ITGA9: variants seen among roughly 807,000 people sequenced by gnomAD.
ITGA9 encodes the protein integrin subunit alpha 9.
Under a neutral mutation model 127.8 loss-of-function variants are expected in ITGA9, and 56 were observed. That is an observed-to-expected ratio of 0.44 (90% CI 0.35 to 0.55). The LOEUF is 0.55. ITGA9 is among the 20% of genes least tolerant of loss of function. ITGA9 has a pLI of 0.00. For synonymous variants in ITGA9, 508 were observed against 514.5 expected (o/e 0.99, Z 0.17); for missense variants, 1,196 against 1,347.1 (o/e 0.89, Z 1.76).
At chr3:37,517,402 C>A (rs1435855469) in intron 9 of ITGA9, 102 bp from the exon 10 acceptor site, 2 of 894,290 alleles carry the variant, frequency 2.2e-6, no homozygotes, top group Non-Finnish European at 3.6e-6. Flanking sequence ...TGAGTGTGCT[C>A]TAGCAGGGCA....
intron 22 of ITGA9, chr3:37,748,748 A>T (rs1298894304): frequency 6.4e-5 from 4 of 62,032 alleles, no homozygotes; most frequent in Non-Finnish European, 8.7e-5. Context: ...ACTCTGTCTT[A>T]AAAAAAAAAA....
intron 9 of ITGA9, among the ~76,000 whole-genome samples, chr3:37,514,822 C>G (rs1394359996): frequency 1.3e-5 from 2 of 152,286 alleles, no homozygotes; most frequent in Middle Eastern, 3.4e-3. Context: ...ATCTGCCCTA[C>G]TTGGCCTCCC....
chr3:37,550,196 A>G (rs371929064), intron 15 of ITGA9, among the ~76,000 whole-genome samples: 2 of 152,224 alleles, frequency 1.3e-5, no homozygotes, highest in South Asian at 4.1e-4. Flanking sequence ...AAACCACTAC[A>G]TTGTAACACC....
At chr3:37,758,451 TA>T (rs1465931734) in intron 23 of ITGA9, among the ~76,000 whole-genome samples, 1 of 150,670 alleles carries the variant, frequency 6.6e-6, no homozygotes, top group Non-Finnish European at 1.5e-5. Flanking sequence ...AACTGATTAA[TA>T]TAACTCATTA....
At chr3:37,689,073 G>T (rs1700806906) in intron 18 of ITGA9, among the ~76,000 whole-genome samples, 1 of 151,816 alleles carries the variant, frequency 6.6e-6, no homozygotes. Context: ...TGGGTGGGCG[G>T]GTAGGTGGAT....
intron 17 of ITGA9, among the ~76,000 whole-genome samples, chr3:37,670,567 A>G (rs1263900860): frequency 2.0e-5 from 3 of 152,158 alleles, no homozygotes; most frequent in African/African-American, 7.2e-5. Flanking sequence ...AGGACCTGTG[A>G]CTCTGTCCCA....
intron 16 of ITGA9, among the ~76,000 whole-genome samples, chr3:37,647,355 AATGT>A (rs1487253880): frequency 1.3e-5 from 2 of 152,116 alleles, no homozygotes; most frequent in African/African-American, 4.8e-5. Context: ...ATTGTTTTTT[AATGT>A]ATGTAAGGTA....
chr3:37,751,345 T>C (rs1696583690), intron 23 of ITGA9, among the ~76,000 whole-genome samples: 1 of 152,180 alleles, frequency 6.6e-6, no homozygotes, highest in Non-Finnish European at 1.5e-5. Context: ...GGTTGGAACT[T>C]AGCATGAGGT....
intron 23 of ITGA9, among the ~76,000 whole-genome samples, chr3:37,772,556 T>C (rs945020511): frequency 5.3e-5 from 8 of 151,850 alleles, no homozygotes; most frequent in African/African-American, 1.9e-4. Context: ...GGCTGTCACA[T>C]TGGTACCTGT....
intron 20 of ITGA9, among the ~76,000 whole-genome samples, chr3:37,739,055 A>G (rs1337928747): frequency 1.3e-5 from 2 of 152,206 alleles, no homozygotes; most frequent in Non-Finnish European, 2.9e-5. Flanking sequence ...GGGCTCACCA[A>G]ATGATTCTAA....
At chr3:37,535,281 G>A (rs1699197262) in intron 14 of ITGA9, among the ~76,000 whole-genome samples, 2 of 152,226 alleles carry the variant, frequency 1.3e-5, no homozygotes, top group African/African-American at 4.8e-5. Flanking sequence ...GAAAGTGAAG[G>A]TAAATTGGCA....
chr3:37,639,250 A>G (rs953289781), intron 16 of ITGA9, among the ~76,000 whole-genome samples: 9 of 152,346 alleles, frequency 5.9e-5, no homozygotes, highest in Non-Finnish European at 8.8e-5. Flanking sequence ...GCTGGAAGCA[A>G]TTCAATTGTG....
chr3:37,729,799 G>A (rs1696264769), intron 18 of ITGA9, among the ~76,000 whole-genome samples: 2 of 149,004 alleles, frequency 1.3e-5, no homozygotes, highest in African/African-American at 5.0e-5. Flanking sequence ...CACCTCCCAG[G>A]TTCAAGTGAT....
intron 21 of ITGA9, 140 bp downstream of exon 21, chr3:37,741,959 T>C (rs1696442848): frequency 1.4e-6 from 1 of 731,648 alleles, no homozygotes; most frequent in Admixed American, 2.0e-5. Context: ...AAAAGCAGGA[T>C]GAAGCTTTAG....
intron 23 of ITGA9, among the ~76,000 whole-genome samples, chr3:37,767,441 C>T (rs1050671780): frequency 3.9e-5 from 6 of 152,194 alleles, no homozygotes; most frequent in African/African-American, 1.4e-4. Flanking sequence ...AGGGAGAAGA[C>T]ATCTAGAGTT....
intron 14 of ITGA9, among the ~76,000 whole-genome samples, chr3:37,538,346 G>T (rs757716773): frequency 6.6e-6 from 1 of 152,238 alleles, no homozygotes; most frequent in Admixed American, 6.5e-5. Context: ...GGGGCTCCTC[G>T]GGAAGCAGCC....
chr3:37,675,842 C>T (rs1435682227), intron 17 of ITGA9, among the ~76,000 whole-genome samples: 1 of 147,488 alleles, frequency 6.8e-6, no homozygotes, highest in African/African-American at 2.5e-5. Flanking sequence ...CTCCCGGGTT[C>T]CAGCCATTCT....
chr3:37,648,126 A>G (rs1455978969), intron 16 of ITGA9, among the ~76,000 whole-genome samples: 1 of 152,126 alleles, frequency 6.6e-6, no homozygotes, highest in Non-Finnish European at 1.5e-5. Flanking sequence ...GGCTGTACCA[A>G]TTTACATTCC....
intron 1 of ITGA9, 101 bp from the exon 2 acceptor site, chr3:37,470,906 A>G: frequency 8.7e-7 from 1 of 1,155,100 alleles, no homozygotes; most frequent in Non-Finnish European, 1.3e-6. Flanking sequence ...TTTCAAAGTG[A>G]GCACTCAGAG....
Sources: gnomAD v4.1 joint callset for allele counts (sites outside exome capture counted in the v4.1 genomes callset) on GRCh38, gnomAD v4.1.1 for gene constraint, MANE v1.5 for transcripts, NCBI Gene and HGNC (gene_info 2026-07-23, HGNC 2026-07-21) for gene names.